FAM83E: variants seen among roughly 807,000 people sequenced by gnomAD.
The protein encoded by FAM83E is protein FAM83E.
FAM83E carries 29 observed loss-of-function variants against 34.3 expected under a neutral mutation model. The ratio of observed to expected loss-of-function variants is 0.85; its 90% CI spans 0.63 to 1.15. The LOEUF (loss-of-function observed/expected upper bound fraction) is 1.15. Among genes scored for constraint, FAM83E ranks in the 50% most tolerant of loss-of-function variants. The probability of loss-of-function intolerance (pLI) is 0.00; values close to 1 mark genes in which losing one functional copy is unlikely to be tolerated. For synonymous variants in FAM83E, 312 were observed against 311.6 expected, an observed-to-expected ratio of 1.00 and a Z score of -0.01; for missense variants, 697 against 685.0, an observed-to-expected ratio of 1.02 and a Z score of -0.20.
rs889886874 is a variant in FAM83E at position 48,600,959 on chromosome 19, G to C, written c.*150C>G. 4.8e-6 allele frequency: 7 copies of C among 1,447,424 alleles called. No homozygotes were observed. The African/African-American group carries it at 1.0e-4, about 21-fold the overall frequency. The allele number at this position is 1,447,424 out of a possible 1,614,324, so 89.7% of individuals were successfully genotyped here. A position where few individuals can be genotyped will look rare whatever the true frequency, so the allele number is the denominator to read the frequency against. On this transcript the variant is annotated 3_prime_UTR_variant, in exon 7 of 7. Coordinates refer to ENST00000263266, the MANE Select transcript of FAM83E (RefSeq NM_017708.4). ...TGAGCCACCACTCCCGGCCCAAGTT[G>C]CAGAACAAGTGACAAACATCCCTTC...
rs751033285 is a variant in FAM83E at position 48,603,699 on chromosome 19, G to T, written c.971C>A (p.Ser324Ter). The part of the protein sequence containing the change: ...VSRRRSVAPA[S>*]PPPPDGPLAH... Reference sequence around the variant, plus strand: ...CAGCGGGCCGTCAGGCGGCGGAGGCGACGCGGGGGCCACGGAGCGGCGGCG... The same window carrying T: ...CAGCGGGCCGTCAGGCGGCGGAGGCTACGCGGGGGCCACGGAGCGGCGGCG... The change falls in exon 6 of 7, where the codon TCG becomes TAG. Residue 324 changes from serine to a stop codon, truncating the protein, a stop_gained. Coordinates refer to ENST00000263266, the MANE Select transcript of FAM83E (RefSeq NM_017708.4). LOFTEE classifies it high-confidence loss of function. 1.3e-5 allele frequency: 18 copies of T among 1,350,010 alleles called. No homozygotes were observed. The highest frequency in any genetic ancestry group is 1.7e-5 in the Non-Finnish European group (18 of 1,048,362). 83.6% of individuals were successfully genotyped at this position (1,350,010 alleles called of 1,614,324 possible). A position where few individuals can be genotyped will look rare whatever the true frequency, so the allele number is the denominator to read the frequency against.
In FAM83E at chr19:48,602,707, ATATATATATATATATATAT is replaced by A. The variant is rs1973846502; in HGVS notation, c.1176+768_1176+786del. 1.4e-3 allele frequency among the ~76,000 whole-genome samples: 42 copies of A among 29,156 alleles called. 5 individuals carry two copies. The highest frequency in any genetic ancestry group is 4.1e-3 in the African/African-American group (23 of 5,582). 19.1% of individuals were successfully genotyped at this position (29,156 alleles called of 152,430 possible). On this transcript the variant is annotated intron_variant, in intron 6 of 6. Coordinates refer to ENST00000263266, the MANE Select transcript of FAM83E (RefSeq NM_017708.4). ...ATCTCAAAAAAAAAAAAAAAAAAAT[ATATATATATATATATATAT>A]ATATATATATATATATATATATATA...
At chr19:48,602,141 CAAA>C (rs35272146) in intron 6 of FAM83E, among the ~76,000 whole-genome samples, 126 of 41,556 alleles carry the variant, frequency 3.0e-3, no homozygotes, top group African/African-American at 8.6e-3. Flanking sequence ...GACCCTATCT[CAAA>C]AAAAAAAAAA....
chr19:48,613,918 G>C lies in FAM83E; in HGVS notation c.-546C>G. ...CACGACAGGTTGCCTGCCTGCCCCC[G>C]GCCAAGAGCACGACGAACTGACCCT... is the stretch of plus-strand genomic sequence containing the variant. On this transcript the variant is annotated 5_prime_UTR_variant, in exon 3 of 7. Coordinates refer to ENST00000263266, the MANE Select transcript of FAM83E (RefSeq NM_017708.4). The C allele has an allele frequency of 1.9e-5, 19 of 985,164 alleles. No homozygotes were observed. Among genetic ancestry groups the C allele is most frequent in the South Asian group, 4.7e-5 (1 of 21,260 alleles). The allele number at this position is 985,164 out of a possible 1,614,324, so 61.0% of individuals were successfully genotyped here.
Position 48,613,691 on chromosome 19 carries a change from G to A in FAM83E, c.-319C>T. On this transcript the variant is annotated 5_prime_UTR_variant, in exon 3 of 7. Coordinates refer to ENST00000263266, the MANE Select transcript of FAM83E (RefSeq NM_017708.4). ...CCTGCCAGCCGTCTCTGCTGGTCAG[G>A]TTGACCTCCTGACACCATCCCCAAC... 1 of 1,228,274 alleles carries A rather than the reference G, an allele frequency of 8.1e-7. No homozygotes were observed. The highest frequency in any genetic ancestry group is 1.0e-6 in the Non-Finnish European group (1 of 977,676). 76.1% of individuals were successfully genotyped at this position (1,228,274 alleles called of 1,614,324 possible).
intron 5 of FAM83E, among the ~76,000 whole-genome samples, chr19:48,609,248 T>C (rs962567378): frequency 6.6e-6 from 1 of 151,094 alleles, no homozygotes; most frequent in Non-Finnish European, 1.5e-5. Flanking sequence ...CTGTTATTAT[T>C]TGCAGTTTCT....
intron 1 of FAM83E, 41 bp from the exon 2 acceptor site, chr19:48,614,880 G>A (rs1215816099): frequency 2.4e-6 from 2 of 840,010 alleles, no homozygotes; most frequent in Non-Finnish European, 1.4e-6. Flanking sequence ...AAACACAGGA[G>A]GGCCCCCACA....
intron 3 of FAM83E, 54 bp downstream of exon 3, chr19:48,612,854 C>T: frequency 6.8e-7 from 1 of 1,473,220 alleles, no homozygotes. Flanking sequence ...GGAGAGAATG[C>T]CTGGGTCCCC....
intron 3 of FAM83E, among the ~76,000 whole-genome samples, chr19:48,612,707 C>T (rs1490274426): frequency 6.6e-6 from 1 of 152,104 alleles, no homozygotes; most frequent in African/African-American, 2.4e-5. Flanking sequence ...CGGCCGGGCC[C>T]CCCTTTCTGA....
chr19:48,601,206 C>A lies in FAM83E; in HGVS notation c.1340G>T (p.Arg447Met). The A allele has an allele frequency of 6.2e-7, 1 of 1,611,892 alleles. No individual in the cohort carries two copies. The change falls in exon 7 of 7, where the codon AGG (arginine) becomes ATG (methionine). Residue 447 changes from arginine (R) to methionine (M), a missense_variant. By Grantham distance (91) the Arg-to-Met change is moderately conservative (BLOSUM62 -1). Coordinates refer to ENST00000263266, the MANE Select transcript of FAM83E (RefSeq NM_017708.4). ...GAATGTAGCATCCCCACCGAACCGC[C>A]TTCGGGCTGGGGACAGATAGCGGAG... is the stretch of plus-strand genomic sequence containing the variant. ...HRLRYLSPAR[R>M]RFGGDATFKL... is the part of the protein sequence containing the mutation.
At chr19:48,606,945 C>T (rs759564690) in intron 5 of FAM83E, 1 of 1,592,584 alleles carries the variant, frequency 6.3e-7, no homozygotes, top group Non-Finnish European at 8.5e-7. Flanking sequence ...AGCCCACGGC[C>T]TGGCTGGGGC....
Position 48,610,866 on chromosome 19 carries a change from G to A in FAM83E, c.466-19C>T, listed in dbSNP as rs1250779952. 1.3e-6 allele frequency: 2 copies of A among 1,580,744 alleles called. No individual in the cohort carries two copies. Among genetic ancestry groups the A allele is most frequent in the South Asian group, 1.2e-5 (1 of 86,406 alleles). On this transcript the variant is annotated intron_variant, in intron 3 of 6. Coordinates refer to ENST00000263266, the MANE Select transcript of FAM83E (RefSeq NM_017708.4). ...CCACCAGCTGGGCATGGGGAGAGGG[G>A]CGGTGGGCTTGTGAACGGAAGCTGG...
In FAM83E at chr19:48,600,485, G is replaced by A. The variant is rs1394737838; in HGVS notation, c.*624C>T. Among the ~76,000 whole-genome samples, 3 of 152,092 alleles carry A rather than the reference G, an allele frequency of 2.0e-5. No individual in the cohort carries two copies. The highest frequency in any genetic ancestry group is 4.8e-5 in the African/African-American group (2 of 41,510). ...TAAGTAGCTGGGATTACAGGCGCCC[G>A]CCACCACACCTGGCTAATTTTTGTA... On this transcript the variant is annotated 3_prime_UTR_variant, in exon 7 of 7. Transcript: ENST00000263266.
At chr19:48,601,581 A>G (rs1973816427) in intron 6 of FAM83E, among the ~76,000 whole-genome samples, 1 of 151,972 alleles carries the variant, frequency 6.6e-6, no homozygotes, top group Admixed American at 6.6e-5. Flanking sequence ...CCTGGCCAAC[A>G]TGGTGAAACC....
At chr19:48,610,640 G>A in intron 4 of FAM83E, 40 bp downstream of exon 4, 34 of 1,538,206 alleles carry the variant, frequency 2.2e-5, no homozygotes, top group Non-Finnish European at 2.8e-5. Context: ...CCCATGCCAG[G>A]GGAATGGGGA....
In FAM83E at chr19:48,614,857, C is replaced by T. The variant is rs990984832; in HGVS notation, c.-1387-18G>A. ...GCCTCGACCTGGAATCCAGGGAGCC[C>T]GGCCCCTTGTGTAAACACAGGAGGG... On this transcript the variant is annotated intron_variant, in intron 1 of 6. Coordinates refer to ENST00000263266, the MANE Select transcript of FAM83E (RefSeq NM_017708.4). The T allele has an allele frequency of 6.3e-6, 6 of 954,778 alleles. No individual in the cohort carries two copies. Among genetic ancestry groups the T allele is most frequent in the South Asian group, 4.8e-5 (1 of 20,716 alleles). The allele number at this position is 954,778 out of a possible 1,614,324, so 59.1% of individuals were successfully genotyped here.
chr19:48,611,523 A>C (rs966617094), intron 3 of FAM83E, among the ~76,000 whole-genome samples: 1 of 150,554 alleles, frequency 6.6e-6, no homozygotes, highest in Non-Finnish European at 1.5e-5. Context: ...GCTGGAGTGC[A>C]GTGGCGCAAT....
chr19:48,602,451 G>A (rs1481548954), intron 6 of FAM83E, among the ~76,000 whole-genome samples: 3 of 151,156 alleles, frequency 2.0e-5, no homozygotes, highest in Non-Finnish European at 4.4e-5. Context: ...GAGGGACAAG[G>A]AGCTGGGTCC....
chr19:48,610,048 A>G (rs765280033), intron 4 of FAM83E, 48 bp from the exon 5 acceptor site: 2 of 1,594,620 alleles, frequency 1.3e-6, no homozygotes, highest in Non-Finnish European at 1.7e-6. Flanking sequence ...GGCCCACTGC[A>G]TGGATTCAGG....
Sources: gnomAD v4.1 joint callset for allele counts (sites outside exome capture counted in the v4.1 genomes callset) on GRCh38, gnomAD v4.1.1 for gene constraint, MANE v1.5 for transcripts, NCBI Gene and HGNC (gene_info 2026-07-23, HGNC 2026-07-21) for gene names.